The following AGO4 variants were observed in gnomAD, a reference collection of about 807,000 sequenced individuals.
AGO4 encodes the protein argonaute RISC component 4.
In AGO4, 33 loss-of-function variants were observed where a neutral mutation model predicts 104.7. The ratio of observed to expected loss-of-function variants is 0.32; its 90% confidence interval spans 0.24 to 0.42. The LOEUF (loss-of-function observed/expected upper bound fraction) is 0.42, where lower values mean the gene tolerates loss of function less well. Among genes scored for constraint, AGO4 ranks in the 10% least tolerant of loss-of-function variants. The probability of loss-of-function intolerance (pLI) is 1.00; values close to 1 mark genes in which losing one functional copy is unlikely to be tolerated. For synonymous variants in AGO4, 331 were observed against 364.7 expected, an observed-to-expected ratio of 0.91 and a Z score of 1.05; for missense variants, 711 against 1,083.4, an observed-to-expected ratio of 0.66 and a Z score of 4.83.
Position 35,815,956 on chromosome 1 carries a change from T to C in AGO4, c.20-926T>C, listed in dbSNP as rs139723109. 7.2e-5 allele frequency among the ~76,000 whole-genome samples: 11 copies of C among 152,326 alleles called. No individual in the cohort carries two copies. In the East Asian group the frequency reaches 2.1e-3, roughly 29 times the overall value. ...GAGTCCATAGTACAGGTTAGGCATG[T>C]TATAACTGAATAAATGAATAAATGT... On this transcript the variant is annotated intron_variant, in intron 1 of 17. Transcript: ENST00000373210.
At chr1:35,839,766 A>G (rs1644395580) in intron 13 of AGO4, among the ~76,000 whole-genome samples, 1 of 151,868 alleles carries the variant, frequency 6.6e-6, no homozygotes, top group Non-Finnish European at 1.5e-5. Flanking sequence ...CTATTATATG[A>G]GGTTGTCAAG....
rs1357323784 is a variant in AGO4 at position 35,850,940 on chromosome 1, G to A, written c.2364G>A (p.Leu788=). Residue 788 remains leucine, a synonymous_variant, in exon 17 of 18, where the codon CTG becomes CTA. Transcript: ENST00000373210. ...AACTCCAGCTACTGACTTACCAGCTGTGTCACACCTATGTGAGGTGCACTC... is the reference window on the plus strand; with the variant it reads ...AACTCCAGCTACTGACTTACCAGCTATGTCACACCTATGTGAGGTGCACTC... The part of the protein sequence containing the change: ...ADELQLLTYQ[L]CHTYVRCTRS... The A allele has an allele frequency of 2.0e-5, 33 of 1,613,990 alleles. No individual in the cohort carries two copies. The highest frequency in any genetic ancestry group is 2.7e-5 in the Non-Finnish European group (32 of 1,180,042).
At chr1:35,825,034 T>C (rs532423382) in intron 3 of AGO4, among the ~76,000 whole-genome samples, 1 of 152,316 alleles carries the variant, frequency 6.6e-6, no homozygotes, top group South Asian at 2.1e-4. Flanking sequence ...AATAGAATCA[T>C]GAAATATTTG....
At position 35,822,869 on chromosome 1, in the gene AGO4, G is replaced by A. The variant is rs905456762; in HGVS notation, c.193G>A (p.Val65Ile). 3.7e-6 allele frequency: 6 copies of A among 1,614,082 alleles called. No homozygotes were observed. Among genetic ancestry groups the A allele is most frequent in the Middle Eastern group, 1.7e-4 (1 of 6,056 alleles). Reference protein sequence around the residue: ...KRPRRVNREVVDTMVRHFKMQ... With the variant: ...KRPRRVNREVIDTMVRHFKMQ... Reference sequence around the variant, plus strand: ...ATCTCCATTACTGTGAAGGGAGGTAGTAGATACAATGGTGCGGCACTTCAA... The same window carrying A: ...ATCTCCATTACTGTGAAGGGAGGTAATAGATACAATGGTGCGGCACTTCAA... Residue 65 changes from valine (V) to isoleucine (I), a missense_variant, in exon 3 of 18, where the codon GTA (valine) becomes ATA (isoleucine). Coordinates refer to ENST00000373210, the MANE Select transcript of AGO4 (RefSeq NM_017629.4).
intron 15 of AGO4, among the ~76,000 whole-genome samples, chr1:35,848,331 A>G (rs952664159): frequency 2.6e-5 from 4 of 152,056 alleles, no homozygotes; most frequent in African/African-American, 9.7e-5. Context: ...CCTGTTTTTT[A>G]CCCAACTTCC....
chr1:35,850,907 T>C lies in AGO4; in HGVS notation c.2331T>C (p.Thr777=), dbSNP rs1267070662. ...TCTTGTGGGATGACAACTGCTTCACTGCAGATGAACTCCAGCTACTGACTT... is the reference window on the plus strand; with the variant it reads ...TCTTGTGGGATGACAACTGCTTCACCGCAGATGAACTCCAGCTACTGACTT... The part of the protein sequence containing the change: ...YQVLWDDNCF[T]ADELQLLTYQ... Residue 777 remains threonine (T), a synonymous_variant, in exon 17 of 18, where the codon ACT becomes ACC. Transcript: ENST00000373210. 1 of 1,613,452 alleles carries C rather than the reference T, an allele frequency of 6.2e-7. No homozygotes were observed. Among genetic ancestry groups the C allele is most frequent in the South Asian group, 1.1e-5 (1 of 91,068 alleles).
intron 13 of AGO4, among the ~76,000 whole-genome samples, chr1:35,836,246 G>A (rs1644310675): frequency 2.0e-5 from 3 of 151,968 alleles, no homozygotes; most frequent in Admixed American, 1.3e-4. Context: ...GATTACTTTT[G>A]CCCATTTTTG....
intron 17 of AGO4, 84 bp downstream of exon 17, chr1:35,851,137 G>C (rs1644693563): frequency 3.0e-6 from 4 of 1,338,092 alleles, no homozygotes; most frequent in Non-Finnish European, 4.1e-6. Context: ...ACTTTTTTAA[G>C]GATTTAAACT....
chr1:35,813,889 T>C (rs1357432956), intron 1 of AGO4, among the ~76,000 whole-genome samples: 7 of 151,368 alleles, frequency 4.6e-5, no homozygotes. Context: ...GCCTGGCCAA[T>C]GTAGTGAAAC....
chr1:35,821,077 T>C (rs1019284181), intron 2 of AGO4, among the ~76,000 whole-genome samples: 3 of 152,192 alleles, frequency 2.0e-5, no homozygotes, highest in African/African-American at 7.2e-5. Context: ...TTCTTTTCTT[T>C]AATATGAGGA....
Position 35,808,553 on chromosome 1 carries a change from G to T in AGO4, c.19+118G>T. On this transcript the variant is annotated intron_variant, in intron 1 of 17. Transcript: ENST00000373210. This position sits in a 1 kb window ranked among gnomAD's most constrained non-coding sequence, Gnocchi z 5.2. ...CGGGCCGCCAGGCCTCGGGGAAGGGGACCCGAGCCCCGCAGCACGAAGCGG... is the reference window on the plus strand; with the variant it reads ...CGGGCCGCCAGGCCTCGGGGAAGGGTACCCGAGCCCCGCAGCACGAAGCGG... 1 of 930,042 alleles carries T rather than the reference G, an allele frequency of 1.1e-6. No individual in the cohort carries two copies. The highest frequency in any genetic ancestry group is 5.1e-5 in the South Asian group (1 of 19,430). The allele number at this position is 930,042 out of a possible 1,614,324, so 57.6% of individuals were successfully genotyped here.
chr1:35,820,054 A>G (rs1287359006), intron 2 of AGO4, among the ~76,000 whole-genome samples: 1 of 152,186 alleles, frequency 6.6e-6, no homozygotes, highest in African/African-American at 2.4e-5. Context: ...ATTGGCATGG[A>G]GAGACCACTG....
At chr1:35,845,355 A>G (rs1160558379) in intron 15 of AGO4, among the ~76,000 whole-genome samples, 1 of 151,606 alleles carries the variant, frequency 6.6e-6, no homozygotes, top group Non-Finnish European at 1.5e-5. Context: ...TTACAGGCGC[A>G]TATCACCATG....
Position 35,855,868 on chromosome 1 carries a change from C to T in AGO4, c.*2263C>T, listed in dbSNP as rs1367756997. On this transcript the variant is annotated 3_prime_UTR_variant, in exon 18 of 18. Transcript: ENST00000373210. ...TTGCTGGAATCCAAGATGTGAAGAA[C>T]TCTTGGTGACTGGCTGGCTGGCCAG... The T allele has an allele frequency of 6.6e-6, 1 of 152,238 alleles. No homozygotes were observed. The highest frequency in any genetic ancestry group is 1.9e-4 in the East Asian group (1 of 5,200). 9.4% of individuals were successfully genotyped at this position (152,238 alleles called of 1,614,324 possible). A position where few individuals can be genotyped will look rare whatever the true frequency, so the allele number is the denominator to read the frequency against.
In AGO4 at chr1:35,841,484, C is replaced by T; in HGVS notation, c.2040+4C>T. On this transcript the variant is annotated splice_donor_region_variant and intron_variant, in intron 14 of 17. Transcript: ENST00000373210. The surrounding 1 kb of genome is among the most constrained non-coding windows in gnomAD (Gnocchi z 4.7). ...ATCTGAGGGACAAATGAAACAGGTACTCTCATTATCCCTGTTGCCCTTCGG... is the reference window on the plus strand; with the variant it reads ...ATCTGAGGGACAAATGAAACAGGTATTCTCATTATCCCTGTTGCCCTTCGG... 6.2e-7 allele frequency: 1 copy of T among 1,611,640 alleles called. No homozygotes were observed. The highest frequency in any genetic ancestry group is 8.5e-7 in the Non-Finnish European group (1 of 1,177,886).
At chr1:35,853,463 T>C in intron 17 of AGO4, 34 bp from the exon 18 acceptor site, 1 of 1,556,634 alleles carries the variant, frequency 6.4e-7, no homozygotes, top group Middle Eastern at 1.7e-4. Flanking sequence ...TTGTTTGTTT[T>C]GCTTTGTTTT....
chr1:35,834,290 C>G lies in AGO4; in HGVS notation c.1564+116C>G, dbSNP rs538409077. 4.2e-6 allele frequency: 4 copies of G among 953,712 alleles called. No individual in the cohort carries two copies. In the East Asian group the frequency reaches 1.2e-4, roughly 29 times the overall value. 59.1% of individuals were successfully genotyped at this position (953,712 alleles called of 1,614,324 possible). A position where few individuals can be genotyped will look rare whatever the true frequency, so the allele number is the denominator to read the frequency against. On this transcript the variant is annotated intron_variant, in intron 12 of 17. Coordinates refer to ENST00000373210, the MANE Select transcript of AGO4 (RefSeq NM_017629.4). ...TCAAACTCTCAGTGGTTCACAACAA[C>G]AAAGATTTGTTTCTTGCTCCTGTTA...
At chr1:35,846,372 C>T (rs1398612683) in intron 15 of AGO4, among the ~76,000 whole-genome samples, 4 of 151,762 alleles carry the variant, frequency 2.6e-5, no homozygotes, top group South Asian at 4.2e-4. Context: ...CTGAGGTGGG[C>T]GGATCACAAG....
chr1:35,825,230 A>G (rs969311000), intron 3 of AGO4, 83 bp from the exon 4 acceptor site: 3 of 1,383,450 alleles, frequency 2.2e-6, no homozygotes, highest in African/African-American at 1.4e-5. Flanking sequence ...ATCCTTATGC[A>G]TGTATCATAC....
Sources: gnomAD v4.1 joint callset for allele counts (sites outside exome capture counted in the v4.1 genomes callset) on GRCh38, gnomAD v4.1.1 for gene constraint, Gnocchi (gnomAD v3.1) non-coding constraint, MANE v1.5 for transcripts, NCBI Gene and HGNC (gene_info 2026-07-23, HGNC 2026-07-21) for gene names.